SSBP3: variants seen among roughly 807,000 people sequenced by gnomAD.
The protein encoded by SSBP3 is single stranded DNA binding protein 3.
A neutral mutation model predicts 69.6 loss-of-function variants in SSBP3; 5 were observed. That is an observed-to-expected ratio of 0.07 (90% confidence interval 0.04 to 0.15). The LOEUF (loss-of-function observed/expected upper bound fraction) is 0.15, where lower values mean the gene tolerates loss of function less well. SSBP3 is among the 10% of genes least tolerant of loss of function. SSBP3 has a pLI of 1.00. For missense variants in SSBP3, 312 were observed against 534.0 expected (o/e 0.58, Z 4.10); for synonymous variants, 196 against 193.4 (o/e 1.01, Z -0.11).
chr1:54,316,256 T>C (rs944372359), intron 4 of SSBP3, among the ~76,000 whole-genome samples: 16 of 151,652 alleles, frequency 1.1e-4, no homozygotes, highest in African/African-American at 3.6e-4. Context: ...GGGAGGAGGA[T>C]GGTATGAACT....
chr1:54,251,546 T>C (rs933884421), intron 9 of SSBP3, 70 bp downstream of exon 9: 7 of 1,467,336 alleles, frequency 4.8e-6, no homozygotes, highest in African/African-American at 1.4e-5. Context: ...TGACAGAGCA[T>C]GGAAACAGGA....
chr1:54,228,560 T>C, intron 15 of SSBP3, 83 bp from the exon 16 acceptor site: 1 of 1,579,724 alleles, frequency 6.3e-7, no homozygotes, highest in Non-Finnish European at 8.6e-7. Flanking sequence ...TCCTCGGGCC[T>C]CTAAGCCCTT....
intron 5 of SSBP3, among the ~76,000 whole-genome samples, chr1:54,259,145 G>C (rs1570284006): frequency 1.3e-5 from 2 of 151,970 alleles, no homozygotes; most frequent in Admixed American, 1.3e-4. Flanking sequence ...TCAACCCTGG[G>C]CTATGCTGAC....
intron 2 of SSBP3, 110 bp from the exon 3 acceptor site, chr1:54,404,747 G>C (rs1432616297): frequency 2.2e-6 from 3 of 1,356,696 alleles, no homozygotes; most frequent in Non-Finnish European, 3.1e-6. Context: ...GCCAAAAGGT[G>C]ATAAAAATTC....
intron 4 of SSBP3, among the ~76,000 whole-genome samples, chr1:54,310,155 C>T (rs1324151933): frequency 6.6e-6 from 1 of 152,172 alleles, no homozygotes; most frequent in Non-Finnish European, 1.5e-5. Context: ...GCCCGGCTGA[C>T]AAGATGCCCG....
intron 4 of SSBP3, among the ~76,000 whole-genome samples, chr1:54,380,609 C>T (rs1647553408): frequency 1.3e-5 from 2 of 152,214 alleles, no homozygotes; most frequent in South Asian, 4.1e-4. Flanking sequence ...CATCGTGGTC[C>T]CAGCCCAGGA....
intron 9 of SSBP3, among the ~76,000 whole-genome samples, chr1:54,245,087 G>A (rs1284900832): frequency 6.6e-6 from 1 of 152,236 alleles, no homozygotes; most frequent in Non-Finnish European, 1.5e-5. Context: ...AATGCATGAA[G>A]ACCAAAGGGA....
At chr1:54,329,247 CTTTTTTTAAAGGGCTG>C (rs1033245965) in intron 4 of SSBP3, among the ~76,000 whole-genome samples, 5 of 152,000 alleles carry the variant, frequency 3.3e-5, no homozygotes, top group African/African-American at 1.2e-4. Flanking sequence ...GAATGATATA[CTTTTTTTAAAGGGCTG>C]TTCAAGGCAG....
In SSBP3 at chr1:54,228,528, G is replaced by C. The variant is rs375488584; in HGVS notation, c.1007-51C>G. 1.3e-4 allele frequency: 205 copies of C among 1,612,380 alleles called. No homozygotes were observed. The East Asian group carries it at 2.2e-3, about 17-fold the overall frequency. On this transcript the variant is annotated intron_variant, in intron 15 of 17. Coordinates refer to ENST00000610401, the Ensembl canonical transcript of SSBP3. Reference sequence around the variant, plus strand: ...AGTTTCTTGCTTGCTCTTCCACGGAGGGGTCTCCCCTCGTCCTGGGCTCCT... The same window carrying C: ...AGTTTCTTGCTTGCTCTTCCACGGACGGGTCTCCCCTCGTCCTGGGCTCCT...
chr1:54,281,903 C>T (rs975738426), intron 4 of SSBP3, among the ~76,000 whole-genome samples: 1 of 151,842 alleles, frequency 6.6e-6, no homozygotes, highest in Non-Finnish European at 1.5e-5. Flanking sequence ...TCGAGACCGG[C>T]GCGGGCAACA....
exon 2 of SSBP3, chr1:54,404,885 C>T (rs1234725255): frequency 2.5e-6 from 4 of 1,608,740 alleles, no homozygotes; most frequent in Non-Finnish European, 3.4e-6. Flanking sequence ...GTGCAGATTT[C>T]TGTGCTCCTA....
intron 4 of SSBP3, 79 bp downstream of exon 4, chr1:54,401,782 T>C (rs911619819): frequency 4.3e-5 from 53 of 1,225,264 alleles, no homozygotes; most frequent in Non-Finnish European, 5.6e-5. Context: ...GCGAACTGGC[T>C]GTGTTTGCTT....
At chr1:54,340,682 G>A (rs1646591747) in intron 4 of SSBP3, among the ~76,000 whole-genome samples, 1 of 152,232 alleles carries the variant, frequency 6.6e-6, no homozygotes, top group Admixed American at 6.5e-5. Context: ...CTGATAAGGG[G>A]ACAAAGGAAT....
chr1:54,376,368 T>C (rs532430094), intron 4 of SSBP3, among the ~76,000 whole-genome samples: 1 of 152,342 alleles, frequency 6.6e-6, no homozygotes, highest in Admixed American at 6.5e-5. Flanking sequence ...CTAAACCCAC[T>C]ACCCATTTCT....
chr1:54,257,234 G>T, intron 6 of SSBP3, 48 bp from the exon 7 acceptor site: 1 of 1,506,454 alleles, frequency 6.6e-7, no homozygotes, highest in South Asian at 1.3e-5. Context: ...CTACTGCACA[G>T]TGACAAACAC....
Position 54,328,025 on chromosome 1 carries a change from T to C in SSBP3, c.277-46498A>G, listed in dbSNP as rs537989872. 2.6e-5 allele frequency among the ~76,000 whole-genome samples: 4 copies of C among 152,284 alleles called. No homozygotes were observed. In the East Asian group the frequency reaches 7.7e-4, roughly 29 times the overall value. On this transcript the variant is annotated intron_variant, in intron 4 of 17. Coordinates refer to ENST00000610401, the Ensembl canonical transcript of SSBP3. ...ATAAAGCTCATGATAAATGTTATGA[T>C]CCTCAAAATGGTTGATAGGGAAGAG...
chr1:54,242,206 C>G, exon 11 of SSBP3: 1 of 1,613,708 alleles, frequency 6.2e-7, no homozygotes, highest in Non-Finnish European at 8.5e-7. Flanking sequence ...TGCCAGCTCC[C>G]GGGCCCCTGA....
At chr1:54,314,784 T>C (rs910942957) in intron 4 of SSBP3, among the ~76,000 whole-genome samples, 1 of 152,188 alleles carries the variant, frequency 6.6e-6, no homozygotes, top group African/African-American at 2.4e-5. Flanking sequence ...CAACTGGCAG[T>C]GTCCCAGCAA....
intron 4 of SSBP3, among the ~76,000 whole-genome samples, chr1:54,354,687 C>T (rs12145680): frequency 0.13 from 19,081 of 152,020 alleles, 1,252 homozygotes; most frequent in African/African-American, 0.16. Flanking sequence ...GCCCACTCCC[C>T]GCTCCCTCAC....
Sources: gnomAD v4.1 joint callset for allele counts (sites outside exome capture counted in the v4.1 genomes callset) on GRCh38, gnomAD v4.1.1 for gene constraint, MANE v1.5 for transcripts, NCBI Gene and HGNC (gene_info 2026-07-23, HGNC 2026-07-21) for gene names.